Variants in FAM185A observed in about 807,000 individuals in gnomAD.
FAM185A encodes protein FAM185A.
A neutral mutation model predicts 45.7 loss-of-function variants in FAM185A; 21 were observed. That is an observed-to-expected ratio of 0.46 (90% CI 0.33 to 0.66). The LOEUF (loss-of-function observed/expected upper bound fraction) is 0.66. Ranked by LOEUF, FAM185A falls within the 30% of genes least tolerant of loss-of-function variation. FAM185A has a pLI of 0.03. For missense variants in FAM185A, 305 were observed against 485.4 expected (o/e 0.63, Z 3.49); for synonymous variants, 117 against 194.0 (o/e 0.60, Z 3.30).
chr7:102,826,749 A>ATATATATATG, the FAM185A span, among the ~76,000 whole-genome samples: 1 of 103,120 alleles, frequency 9.7e-6, no homozygotes, highest in East Asian at 3.2e-4. Flanking sequence ...ATATATATAT[A>ATATATATATG]TATATATATA....
chr7:102,835,943 A>T, the FAM185A span, among the ~76,000 whole-genome samples: 3 of 152,186 alleles, frequency 2.0e-5, no homozygotes, highest in Admixed American at 1.3e-4. Context: ...AGACATTAAC[A>T]TTGTTAGAGA....
the FAM185A span, among the ~76,000 whole-genome samples, chr7:102,833,419 C>G: frequency 6.7e-6 from 1 of 149,446 alleles, no homozygotes; most frequent in Admixed American, 6.7e-5. Context: ...AAGTTACTAT[C>G]TTTCTGAGCC....
At chr7:102,752,269 T>TA (rs1415470029) in intron 2 of FAM185A, among the ~76,000 whole-genome samples, 13 of 144,094 alleles carry the variant, frequency 9.0e-5, no homozygotes, top group South Asian at 2.2e-4. Flanking sequence ...GTTTTGTAAT[T>TA]AAAATTTTTT....
intron 7 of FAM185A, among the ~76,000 whole-genome samples, chr7:102,803,565 A>T (rs1252399749): frequency 6.6e-6 from 1 of 152,184 alleles, no homozygotes; most frequent in Non-Finnish European, 1.5e-5. Context: ...ACAAACCCAC[A>T]GCTAACATAA....
chr7:102,822,479 G>T, the FAM185A span: 1 of 568,626 alleles, frequency 1.8e-6, no homozygotes, highest in Non-Finnish European at 3.3e-6. Flanking sequence ...TCTAGTCTTT[G>T]TCTTCTTATA....
At chr7:102,794,960 G>T (rs1429183792) in intron 7 of FAM185A, among the ~76,000 whole-genome samples, 2 of 152,194 alleles carry the variant, frequency 1.3e-5, no homozygotes, top group Admixed American at 1.3e-4. Context: ...CAAAATTAAA[G>T]ATGTAGAGAA....
At position 102,776,702 on chromosome 7, in the gene FAM185A, T is replaced by TAAAAAAAAA. The variant is rs72022042; in HGVS notation, c.836-542_836-534dup. Among the ~76,000 whole-genome samples, 11 of 97,086 alleles carry TAAAAAAAAA rather than the reference T, an allele frequency of 1.1e-4. 1 individual carries two copies. In the East Asian group the frequency reaches 2.0e-3, roughly 18 times the overall value. 63.7% of individuals were successfully genotyped at this position (97,086 alleles called of 152,430 possible). A position where few individuals can be genotyped will look rare whatever the true frequency, so the allele number is the denominator to read the frequency against. ...GGACAGCATAGCAAGACCCTGTCTC[T>TAAAAAAAAA]AAAAAAAAAAAAAAAAAGAAAAAAA... On this transcript the variant is annotated intron_variant, in intron 5 of 7. Transcript: ENST00000413034.
intron 2 of FAM185A, among the ~76,000 whole-genome samples, chr7:102,754,646 A>G (rs1042501189): frequency 2.6e-5 from 4 of 152,256 alleles, no homozygotes; most frequent in Non-Finnish European, 5.9e-5. Flanking sequence ...TTGCGTTCAC[A>G]TAGCTAAAAA....
chr7:102,804,326 A>G lies in FAM185A; in HGVS notation c.1067-3964A>G, dbSNP rs906084565. On this transcript the variant is annotated intron_variant, in intron 7 of 7. Transcript: ENST00000413034. ...ACCAAAACAGCATGGTACTGGTATA[A>G]TAATAGGCACATAGACCAATGGAAC... 2.0e-5 allele frequency among the ~76,000 whole-genome samples: 3 copies of G among 152,362 alleles called. No individual in the cohort carries two copies. The South Asian group carries it at 6.2e-4, about 32-fold the overall frequency.
intron 6 of FAM185A, among the ~76,000 whole-genome samples, chr7:102,782,150 T>G (rs1050338793): frequency 2.6e-5 from 4 of 151,686 alleles, no homozygotes; most frequent in African/African-American, 7.3e-5. Flanking sequence ...TGGGACTATG[T>G]GAAAAGACCA....
the FAM185A span, chr7:102,834,775 T>C: frequency 6.6e-6 from 1 of 152,242 alleles, no homozygotes; most frequent in Non-Finnish European, 1.5e-5. Context: ...CGATGTATTG[T>C]ATACTTGAAA....
Position 102,789,504 on chromosome 7 carries a change from T to C in FAM185A, c.1066+2035T>C, listed in dbSNP as rs532312395. ...CGGGCAGATCGTTTGAGGTCAGGAGTTCGAGACCAGCGTGACCAACATAGT... is the reference window on the plus strand; with the variant it reads ...CGGGCAGATCGTTTGAGGTCAGGAGCTCGAGACCAGCGTGACCAACATAGT... On this transcript the variant is annotated intron_variant, in intron 7 of 7. Transcript: ENST00000413034. Among the ~76,000 whole-genome samples the C allele has an allele frequency of 2.0e-5, 3 of 152,262 alleles. No individual in the cohort carries two copies. In the South Asian group the frequency reaches 6.2e-4, roughly 32 times the overall value.
the FAM185A span, among the ~76,000 whole-genome samples, chr7:102,836,371 T>G: frequency 1.3e-5 from 2 of 152,204 alleles, no homozygotes; most frequent in African/African-American, 4.8e-5. Context: ...TAAACACATA[T>G]AAGTCATATT....
chr7:102,749,748 C>T, intron 1 of FAM185A, 90 bp downstream of exon 1: 1 of 1,476,350 alleles, frequency 6.8e-7, no homozygotes, highest in Non-Finnish European at 9.0e-7. Context: ...TTAATTGGTC[C>T]TGGCTCTCTA....
intron 2 of FAM185A, among the ~76,000 whole-genome samples, chr7:102,753,852 AT>A (rs1313389493): frequency 1.3e-5 from 2 of 152,162 alleles, no homozygotes; most frequent in Admixed American, 6.5e-5. Flanking sequence ...GTTTTGTTCT[AT>A]TTTTTTAAAA....
intron 6 of FAM185A, among the ~76,000 whole-genome samples, chr7:102,786,350 T>C (rs888082831): frequency 1.3e-5 from 2 of 152,242 alleles, no homozygotes; most frequent in African/African-American, 2.4e-5. Flanking sequence ...CAAAGGATTA[T>C]AAATCATGCT....
chr7:102,843,705 G>A, the FAM185A span, among the ~76,000 whole-genome samples: 166 of 152,264 alleles, frequency 1.1e-3, no homozygotes, highest in Middle Eastern at 3.4e-3. Flanking sequence ...GAACCCAGGC[G>A]GCGGAGGTTG....
chr7:102,801,750 C>A (rs1403248560), intron 7 of FAM185A, among the ~76,000 whole-genome samples: 1 of 151,976 alleles, frequency 6.6e-6, no homozygotes, highest in Non-Finnish European at 1.5e-5. Flanking sequence ...TATGGTGAAA[C>A]CCTGTCTCTA....
chr7:102,749,680 C>G, intron 1 of FAM185A, 22 bp downstream of exon 1: 1 of 1,483,100 alleles, frequency 6.7e-7, no homozygotes, highest in Non-Finnish European at 8.9e-7. Flanking sequence ...GAAGTGAAAA[C>G]GGGTTTGGGT....
Sources: gnomAD v4.1 joint callset for allele counts (sites outside exome capture counted in the v4.1 genomes callset) on GRCh38, gnomAD v4.1.1 for gene constraint, MANE v1.5 for transcripts, NCBI Gene and HGNC (gene_info 2026-07-23, HGNC 2026-07-21) for gene names.